The following PRPF8 variants were observed in gnomAD, a reference collection of about 807,000 sequenced individuals.
PRPF8 encodes the protein pre-mRNA processing factor 8.
In PRPF8, 64 loss-of-function variants were observed where a neutral mutation model predicts 285.9. The ratio of observed to expected loss-of-function variants is 0.22; its 90% confidence interval spans 0.18 to 0.28. PRPF8 has a LOEUF of 0.28. Among genes scored for constraint, PRPF8 ranks in the 10% least tolerant of loss-of-function variants. The pLI, the probability that PRPF8 is intolerant of heterozygous loss-of-function variation, is 1.00. For synonymous variants in PRPF8, 1,325 were observed against 1,118.2 expected, an observed-to-expected ratio of 1.18 and a Z score of -3.69; for missense variants, 1,426 against 3,026.7, an observed-to-expected ratio of 0.47 and a Z score of 12.41.
In PRPF8 at chr17:1,675,669, C is replaced by T. The variant is rs753106893; in HGVS notation, c.2823G>A (p.Lys941=). 5 of 1,614,140 alleles carry T rather than the reference C, an allele frequency of 3.1e-6. No individual in the cohort carries two copies. Among genetic ancestry groups the T allele is most frequent in the Non-Finnish European group, 2.5e-6 (3 of 1,180,020 alleles). ...GCGGAGGTGGTTCTGTGTCTGCAGG[C>T]TTAATCCAGGGTGGGAACAGGCGGC... ...DKRRLFPPWI[K]PADTEPPPLL... is the part of the protein sequence containing the mutation. The change falls in exon 19 of 43, where the codon AAG becomes AAA. Residue 941 remains lysine (K), a synonymous_variant. Coordinates refer to ENST00000304992, the MANE Select transcript of PRPF8 (RefSeq NM_006445.4). The surrounding 1 kb of genome is among the most constrained non-coding windows in gnomAD (Gnocchi z 6.0).
intron 3 of PRPF8, chr17:1,683,284 C>G: frequency 1.8e-6 from 1 of 542,712 alleles, no homozygotes; most frequent in Non-Finnish European, 3.3e-6. Context: ...CATGAGCCAC[C>G]GCGCCTGGCC....
At position 1,658,921 on chromosome 17, in the gene PRPF8, T is replaced by C. The variant is rs941204796; in HGVS notation, c.5139-158A>G. On this transcript the variant is annotated intron_variant, in intron 32 of 42. Coordinates refer to ENST00000304992, the MANE Select transcript of PRPF8 (RefSeq NM_006445.4). This position sits in a 1 kb window ranked among gnomAD's most constrained non-coding sequence, Gnocchi z 4.1. ...GCTGGAGAAGAGAATCAGTGACCCA[T>C]AGGAGGAATGGGCCACTTCCTCTCA... The C allele has an allele frequency of 4.3e-5, 32 of 742,356 alleles. 1 individual carries two copies. Among genetic ancestry groups the C allele is most frequent in the Middle Eastern group, 4.5e-4 (2 of 4,470 alleles). The allele number at this position is 742,356 out of a possible 1,614,324, so 46.0% of individuals were successfully genotyped here. A position where few individuals can be genotyped will look rare whatever the true frequency, so the allele number is the denominator to read the frequency against.
chr17:1,654,024 G>A lies in PRPF8; in HGVS notation c.5988-8C>T. ...AGTGATGCCACGTTCACACTGTGGG[G>A]ATGGTGTGGGTTATATTACAAGGAT... On this transcript the variant is annotated splice_region_variant and splice_polypyrimidine_tract_variant and intron_variant, in intron 37 of 42. Transcript: ENST00000304992. The A allele has an allele frequency of 6.2e-7, 1 of 1,614,202 alleles. No individual in the cohort carries two copies. The highest frequency in any genetic ancestry group is 1.1e-5 in the South Asian group (1 of 91,086).
chr17:1,681,828 G>C lies in PRPF8; in HGVS notation c.645C>G (p.Asp215Glu). 1 of 1,613,694 alleles carries C rather than the reference G, an allele frequency of 6.2e-7. No homozygotes were observed. Among genetic ancestry groups the C allele is most frequent in the Non-Finnish European group, 8.5e-7 (1 of 1,179,886 alleles). Residue 215 changes from aspartate (D) to glutamate (E), a missense_variant, in exon 5 of 43, where the codon GAC (aspartate) becomes GAG (glutamate). Coordinates refer to ENST00000304992, the MANE Select transcript of PRPF8 (RefSeq NM_006445.4). ...DWFYDHQPLR[D>E]SRKYVNGSTY... ...CTCCATCTATCACTCACTTCCTGCTGTCCCTCAACGGCTGGTGGTCATAGA... is the reference window on the plus strand; with the variant it reads ...CTCCATCTATCACTCACTTCCTGCTCTCCCTCAACGGCTGGTGGTCATAGA...
chr17:1,664,412 T>C (rs1911841998), intron 24 of PRPF8, among the ~76,000 whole-genome samples: 1 of 152,186 alleles, frequency 6.6e-6, no homozygotes, highest in African/African-American at 2.4e-5. Context: ...GACCTAATGT[T>C]TGTAAAACAC....
At chr17:1,671,137 C>A (rs1912292664) in intron 24 of PRPF8, among the ~76,000 whole-genome samples, 1 of 152,158 alleles carries the variant, frequency 6.6e-6, no homozygotes, top group Non-Finnish European at 1.5e-5. Flanking sequence ...AAGCTAGTTA[C>A]ATCGCCACAC....
chr17:1,683,742 C>A (rs758357585), intron 2 of PRPF8, 41 bp from the exon 3 acceptor site: 33 of 1,610,872 alleles, frequency 2.0e-5, no homozygotes, highest in Non-Finnish European at 2.6e-5. Context: ...ACACCCTCCC[C>A]CTAATCCTCT....
Position 1,655,559 on chromosome 17 carries a change from G to A in PRPF8, c.5794-16C>T. The A allele has an allele frequency of 6.3e-7, 1 of 1,597,320 alleles. No individual in the cohort carries two copies. ...GGGAGAAGGCCTGGGAAAAGATTTG[G>A]AAGAGTGGGGTAGGTCAGCTGCTTG... is the stretch of plus-strand genomic sequence containing the variant. On this transcript the variant is annotated splice_polypyrimidine_tract_variant and intron_variant, in intron 36 of 42. Transcript: ENST00000304992.
intron 3 of PRPF8, 121 bp downstream of exon 3, chr17:1,683,412 G>A: frequency 8.8e-7 from 1 of 1,132,914 alleles, no homozygotes; most frequent in South Asian, 1.3e-5. Context: ...ACTCCTACTG[G>A]TTTTCTCCTT....
At position 1,661,074 on chromosome 17, in the gene PRPF8, TG is replaced by T; in HGVS notation, c.4426del (p.Gln1476ArgfsTer38). ...NLNNYRTDMI[Q>X]ALGGVEGILE... ...AATGCCTTCCACACCGCCCAGGGCC[TG>T]GATCATGTCTGTACGGTAGTTGTTC... On this transcript the variant is annotated frameshift_variant, in exon 28 of 43. Coordinates refer to ENST00000304992, the MANE Select transcript of PRPF8 (RefSeq NM_006445.4). LOFTEE classifies it high-confidence loss of function. The surrounding 1 kb of genome is among the most constrained non-coding windows in gnomAD (Gnocchi z 7.3). 6.2e-7 allele frequency: 1 copy of T among 1,614,166 alleles called. No homozygotes were observed. Among genetic ancestry groups the T allele is most frequent in the Non-Finnish European group, 8.5e-7 (1 of 1,180,024 alleles).
chr17:1,680,910 T>C lies in PRPF8; in HGVS notation c.992+19A>G, dbSNP rs1912882381. The C allele has an allele frequency of 6.2e-7, 1 of 1,614,188 alleles. No homozygotes were observed. ...CAGCAGCCTTCTCCTTTCCAAATGT[T>C]GTGTTCCAGGTCTCTTACCAGGTGA... On this transcript the variant is annotated intron_variant, in intron 7 of 42. Transcript: ENST00000304992.
At chr17:1,657,309 G>A (rs1911436814) in intron 34 of PRPF8, among the ~76,000 whole-genome samples, 1 of 152,176 alleles carries the variant, frequency 6.6e-6, no homozygotes, top group African/African-American at 2.4e-5. Flanking sequence ...AGCAAGAGTT[G>A]TGAGGTAGAG....
In PRPF8 at chr17:1,651,891, G is replaced by A; in HGVS notation, c.6370-103C>T. On this transcript the variant is annotated intron_variant, in intron 39 of 42. Coordinates refer to ENST00000304992, the MANE Select transcript of PRPF8 (RefSeq NM_006445.4). The surrounding 1 kb of genome is among the most constrained non-coding windows in gnomAD (Gnocchi z 5.1). Reference sequence around the variant, plus strand: ...TCCTTCCCCCAAGAACGAGGACAGAGTTTCTTAAAACGTGATCAGAACCCC... The same window carrying A: ...TCCTTCCCCCAAGAACGAGGACAGAATTTCTTAAAACGTGATCAGAACCCC... 1 of 1,456,508 alleles carries A rather than the reference G, an allele frequency of 6.9e-7. No individual in the cohort carries two copies. Among genetic ancestry groups the A allele is most frequent in the Non-Finnish European group, 9.6e-7 (1 of 1,046,048 alleles). The allele number at this position is 1,456,508 out of a possible 1,614,324, so 90.2% of individuals were successfully genotyped here. A position where few individuals can be genotyped will look rare whatever the true frequency, so the allele number is the denominator to read the frequency against.
Position 1,675,277 on chromosome 17 carries a change from A to G in PRPF8, c.2935T>C (p.Ser979Pro), listed in dbSNP as rs1397199652. 3 of 1,614,188 alleles carry G rather than the reference A, an allele frequency of 1.9e-6. No individual in the cohort carries two copies. The highest frequency in any genetic ancestry group is 2.5e-6 in the Non-Finnish European group (3 of 1,180,046). Residue 979 changes from serine to proline, a missense_variant, in exon 20 of 43, where the codon TCC becomes CCC. By Grantham distance (74) the Ser-to-Pro change is moderately conservative. Transcript: ENST00000304992. The surrounding 1 kb of genome is among the most constrained non-coding windows in gnomAD (Gnocchi z 6.0). ...SEGECNVMLESRFEKMYEKID... is the reference protein window; with the variant it reads ...SEGECNVMLEPRFEKMYEKID... ...TTCTCATACATCTTCTCAAAGCGGG[A>G]TTCCAGCATGACATTGCACTCGCCT...
At chr17:1,672,455 T>C (rs1235385832) in intron 24 of PRPF8, among the ~76,000 whole-genome samples, 1 of 152,196 alleles carries the variant, frequency 6.6e-6, no homozygotes, top group East Asian at 1.9e-4. Context: ...AATTTTTGTA[T>C]TTTTAGCAGA....
chr17:1,665,367 T>C (rs536125308), intron 24 of PRPF8, among the ~76,000 whole-genome samples: 9 of 145,568 alleles, frequency 6.2e-5, no homozygotes, highest in Admixed American at 1.4e-4. Context: ...GTGAAACCCG[T>C]CTCTACTACA....
rs1912935030 is a variant in PRPF8 at position 1,681,686 on chromosome 17, C to T, written c.658G>A (p.Val220Ile). The change falls in exon 6 of 43, where the codon GTA (valine) becomes ATA (isoleucine). Residue 220 changes from valine to isoleucine, a missense_variant. Physicochemically the swap from Val to Ile is conservative, Grantham distance 29. Around this residue, in one of 34 missense-constraint regions of PRPF8, gnomAD observed 157 missense variants for 159.6 expected, o/e 0.98. Transcript: ENST00000304992. ...HQPLRDSRKY[V>I]NGSTYQRWQF... is the part of the protein sequence containing the mutation. ...CAGCGCTGGTAAGTGGAGCCATTTACATACCTAGGTAAAAAATGAAAGGCC... is the reference window on the plus strand; with the variant it reads ...CAGCGCTGGTAAGTGGAGCCATTTATATACCTAGGTAAAAAATGAAAGGCC... The T allele has an allele frequency of 1.9e-6, 3 of 1,614,138 alleles. No individual in the cohort carries two copies. The highest frequency in any genetic ancestry group is 2.2e-5 in the East Asian group (1 of 44,886).
chr17:1,653,278 T>C lies in PRPF8; in HGVS notation c.6369+264A>G, dbSNP rs1394073484. The C allele has an allele frequency of 5.1e-6, 3 of 588,674 alleles. No homozygotes were observed. The highest frequency in any genetic ancestry group is 5.4e-5 in the Admixed American group (2 of 36,914). 36.5% of individuals were successfully genotyped at this position (588,674 alleles called of 1,614,324 possible). ...ACAGGCATGAGCCAGCACGCACACC[T>C]GGTCAGGAATTTGTTTCTGACCATA... On this transcript the variant is annotated intron_variant, in intron 39 of 42. Transcript: ENST00000304992. The surrounding 1 kb of genome is among the most constrained non-coding windows in gnomAD (Gnocchi z 4.9).
intron 24 of PRPF8, among the ~76,000 whole-genome samples, chr17:1,663,604 G>A (rs1194022133): frequency 1.3e-5 from 2 of 150,542 alleles, no homozygotes. Flanking sequence ...AGTTTCTTGG[G>A]AGGCTGAGGT....
Sources: allele counts gnomAD v4.1 joint callset (sites outside exome capture counted in the v4.1 genomes callset), GRCh38; gene constraint gnomAD v4.1.1; regional missense constraint gnomAD v4.1.1; non-coding constraint Gnocchi (gnomAD v3.1); transcripts MANE v1.5; gene names NCBI Gene and HGNC (gene_info 2026-07-23, HGNC 2026-07-21).